Variants in SNX27 observed in about 807,000 individuals in gnomAD.
SNX27 encodes sorting nexin 27, also known as sorting nexin-27.
Under a neutral mutation model 71.6 loss-of-function variants are expected in SNX27, and 22 were observed. That is an observed-to-expected ratio of 0.31 (90% CI 0.22 to 0.44). SNX27 has a LOEUF of 0.44. Ranked by LOEUF, SNX27 falls within the 20% of genes least tolerant of loss-of-function variation. The pLI, the probability that SNX27 is intolerant of heterozygous loss-of-function variation, is 1.00. For missense variants in SNX27, 531 were observed against 698.6 expected, an observed-to-expected ratio of 0.76 and a Z score of 2.70; for synonymous variants, 269 against 277.2, an observed-to-expected ratio of 0.97 and a Z score of 0.29.
At chr1:151,617,164 A>G (rs1347627915) in intron 1 of SNX27, among the ~76,000 whole-genome samples, 1 of 152,194 alleles carries the variant, frequency 6.6e-6, no homozygotes, top group Non-Finnish European at 1.5e-5. Context: ...AAGCTCTTGA[A>G]ATAAAGATGG....
At chr1:151,627,598 T>C (rs1021848582) in intron 1 of SNX27, among the ~76,000 whole-genome samples, 3 of 152,220 alleles carry the variant, frequency 2.0e-5, no homozygotes, top group African/African-American at 7.2e-5. Flanking sequence ...TTTTTGTTTT[T>C]GTTTTTTTAA....
chr1:151,627,552 A>G (rs1667999699), intron 1 of SNX27, among the ~76,000 whole-genome samples: 1 of 152,120 alleles, frequency 6.6e-6, no homozygotes, highest in Admixed American at 6.5e-5. Context: ...TTTTTAAAAT[A>G]TTTGCATATA....
chr1:151,650,754 C>A (rs937930473), intron 2 of SNX27, among the ~76,000 whole-genome samples: 1 of 150,114 alleles, frequency 6.7e-6, no homozygotes, highest in Non-Finnish European at 1.5e-5. Flanking sequence ...TGCGGCCTTC[C>A]GCAGTGTTTG....
At chr1:151,651,010 C>T (rs186345796) in intron 2 of SNX27, among the ~76,000 whole-genome samples, 10,231 of 152,196 alleles carry the variant, frequency 0.067, 485 homozygotes, top group Middle Eastern at 0.11. Flanking sequence ...TCTTTCTACA[C>T]AGACACGGCA....
In SNX27 at chr1:151,693,465, G is replaced by A. The variant is rs1374467878; in HGVS notation, c.1560G>A (p.Glu520=). The A allele has an allele frequency of 2.5e-6, 4 of 1,614,034 alleles. No homozygotes were observed. In the Admixed American group the frequency reaches 6.7e-5, roughly 27 times the overall value. The stretch of plus-strand genomic sequence containing the variant: ...AGTGCTTCGAGAGGGTGTTCTGCGA[G>A]CTCAAGTGGAGAAAAGAGGTAATTC... The part of the protein sequence containing the change: ...MHECFERVFC[E]LKWRKENIFQ... Residue 520 remains glutamate (E), a synonymous_variant, in exon 11 of 12, where the codon GAG becomes GAA. Coordinates refer to ENST00000458013, the MANE Select transcript of SNX27 (RefSeq NM_001330723.2).
chr1:151,674,974 C>T (rs1336390811), intron 7 of SNX27, among the ~76,000 whole-genome samples: 1 of 152,164 alleles, frequency 6.6e-6, no homozygotes, highest in African/African-American at 2.4e-5. Context: ...GTGTGAGCCA[C>T]CGCGCCCGGC....
intron 1 of SNX27, among the ~76,000 whole-genome samples, chr1:151,617,806 C>T (rs1329655020): frequency 6.6e-6 from 1 of 151,156 alleles, no homozygotes; most frequent in Non-Finnish European, 1.5e-5. Flanking sequence ...AGTGTTGTAC[C>T]AATGAATGGC....
chr1:151,686,881 G>C (rs1671208575), intron 8 of SNX27, among the ~76,000 whole-genome samples: 1 of 152,202 alleles, frequency 6.6e-6, no homozygotes, highest in South Asian at 2.1e-4. Flanking sequence ...CCGATTATCA[G>C]CTATTAAGTA....
Position 151,694,740 on chromosome 1 carries a change from A to G in SNX27, c.*323A>G, listed in dbSNP as rs2102747786. ...CAGCCTCTCCTTGTACTATATTTTT[A>G]AAACTGGAACTATGAACTTCATCCA... On this transcript the variant is annotated 3_prime_UTR_variant, in exon 12 of 12. Coordinates refer to ENST00000458013, the MANE Select transcript of SNX27 (RefSeq NM_001330723.2). 4.0e-6 allele frequency: 1 copy of G among 248,140 alleles called. No individual in the cohort carries two copies. Among genetic ancestry groups the G allele is most frequent in the African/African-American group, 2.2e-5 (1 of 44,682 alleles). The allele number at this position is 248,140 out of a possible 1,614,324, so 15.4% of individuals were successfully genotyped here. A position where few individuals can be genotyped will look rare whatever the true frequency, so the allele number is the denominator to read the frequency against.
At chr1:151,694,262 A>G (rs995783168) in intron 11 of SNX27, 108 bp from the exon 12 acceptor site, 170 of 1,507,524 alleles carry the variant, frequency 1.1e-4, no homozygotes, top group Non-Finnish European at 1.4e-4. Context: ...AGATGTGGCC[A>G]ATCAGATTGA....
rs562386254 is a variant in SNX27 at position 151,637,440 on chromosome 1, A to G, written c.312-1448A>G. ...TGATCCACCCGCCTCGGCCTCCCAA[A>G]GTGCTGGGATTATAGGCTTGAGCCA... On this transcript the variant is annotated intron_variant, in intron 1 of 11. Coordinates refer to ENST00000458013, the MANE Select transcript of SNX27 (RefSeq NM_001330723.2). 3.9e-4 allele frequency among the ~76,000 whole-genome samples: 60 copies of G among 152,098 alleles called. 1 individual carries two copies. The highest frequency in any genetic ancestry group is 6.8e-4 in the Non-Finnish European group (46 of 68,012).
At position 151,612,217 on chromosome 1, in the gene SNX27, G is replaced by C. The variant is rs1027134476; in HGVS notation, c.16G>C (p.Gly6Arg). MADED[G>R]EGIHPSAPHR... ...TGCTCGCAAGATGGCGGACGAGGAC[G>C]GGGAAGGGATTCATCCCTCAGCCCC... is the stretch of plus-strand genomic sequence containing the variant. Residue 6 changes from glycine (G) to arginine (R), a missense_variant, in exon 1 of 12, where the codon GGG (glycine) becomes CGG (arginine). Around this residue, in one of 5 missense-constraint regions of SNX27, gnomAD observed 130 missense variants for 143.5 expected, o/e 0.91. Transcript: ENST00000458013. The surrounding 1 kb of genome is among the most constrained non-coding windows in gnomAD (Gnocchi z 5.2). The C allele has an allele frequency of 5.2e-6, 7 of 1,359,104 alleles. No homozygotes were observed. The African/African-American group carries it at 6.1e-5, about 12-fold the overall frequency. The allele number at this position is 1,359,104 out of a possible 1,614,324, so 84.2% of individuals were successfully genotyped here.
rs1670163773 is a variant in SNX27 at position 151,665,795 on chromosome 1, G to T, written c.907-138G>T. The T allele has an allele frequency of 1.4e-5, 8 of 577,220 alleles. No homozygotes were observed. The South Asian group carries it at 1.7e-4, about 12-fold the overall frequency. 35.8% of individuals were successfully genotyped at this position (577,220 alleles called of 1,614,324 possible). On this transcript the variant is annotated intron_variant, in intron 5 of 11. Transcript: ENST00000458013. ...ATACATACAAAGAAGGATAGCTATG[G>T]ACCATTAATGCAATTTTTGTGAGGC...
chr1:151,689,867 T>G (rs1671358374), intron 8 of SNX27, among the ~76,000 whole-genome samples: 1 of 151,810 alleles, frequency 6.6e-6, no homozygotes, highest in Admixed American at 6.6e-5. Context: ...TTTTTTGAGA[T>G]GGAGTCTCAG....
intron 2 of SNX27, among the ~76,000 whole-genome samples, chr1:151,644,045 C>T (rs1429262569): frequency 2.0e-5 from 3 of 151,590 alleles, no homozygotes; most frequent in Admixed American, 1.3e-4. Flanking sequence ...AGTGAGACTT[C>T]GTCTCAAAAA....
At chr1:151,620,170 T>C (rs1042534536) in intron 1 of SNX27, among the ~76,000 whole-genome samples, 4 of 152,212 alleles carry the variant, frequency 2.6e-5, no homozygotes, top group Admixed American at 1.3e-4. Flanking sequence ...TTTGTGATGA[T>C]AGAAACTGGA....
chr1:151,684,810 T>TA (rs1671119238), intron 8 of SNX27, among the ~76,000 whole-genome samples: 1 of 152,054 alleles, frequency 6.6e-6, no homozygotes, highest in African/African-American at 2.4e-5. Context: ...TAAAGTTATT[T>TA]AAACTGTTTT....
chr1:151,658,272 C>T lies in SNX27; in HGVS notation c.581C>T (p.Ser194Phe), dbSNP rs764135220. 2.5e-6 allele frequency: 4 copies of T among 1,613,858 alleles called. No individual in the cohort carries two copies. The South Asian group carries it at 4.4e-5, about 18-fold the overall frequency. ...TACATGGCAGGGAGGCAGCTGTGTT[C>T]TAAGCGGTACCGGGAGTTTGCTATC... The part of the protein sequence containing the change: ...NVYMAGRQLC[S>F]KRYREFAILH... The change falls in exon 3 of 12, where the codon TCT (serine) becomes TTT (phenylalanine). Residue 194 changes from serine to phenylalanine, a missense_variant. This residue lies in a region of SNX27 where 184 missense variants were observed against 289.6 expected (regional missense o/e 0.64). Coordinates refer to ENST00000458013, the MANE Select transcript of SNX27 (RefSeq NM_001330723.2).
intron 1 of SNX27, among the ~76,000 whole-genome samples, chr1:151,622,867 A>G (rs576749562): frequency 6.6e-6 from 1 of 152,160 alleles, no homozygotes; most frequent in East Asian, 1.9e-4. Context: ...CAGCTTACTG[A>G]AGCCACAACC....
Sources: allele counts gnomAD v4.1 joint callset (sites outside exome capture counted in the v4.1 genomes callset), GRCh38; gene constraint gnomAD v4.1.1; regional missense constraint gnomAD v4.1.1; non-coding constraint Gnocchi (gnomAD v3.1); transcripts MANE v1.5; gene names NCBI Gene and HGNC (gene_info 2026-07-23, HGNC 2026-07-21).